Variants in POLN observed in about 807,000 individuals in gnomAD.
POLN encodes the protein DNA polymerase nu.
A neutral mutation model predicts 113.5 loss-of-function variants in POLN; 108 were observed. That is an observed-to-expected ratio of 0.95 (90% CI 0.81 to 1.12). POLN has a LOEUF of 1.12. POLN is among the 50% of genes most tolerant of loss of function. The pLI is 0.00. For synonymous variants in POLN, 386 were observed against 391.5 expected (o/e 0.99, Z 0.17); for missense variants, 1,097 against 1,077.1 (o/e 1.02, Z -0.26).
chr4:2,079,698 C>T (rs1156553608), intron 23 of POLN: 2 of 829,238 alleles, frequency 2.4e-6, no homozygotes, highest in African/African-American at 1.9e-5. Context: ...GATCCTCCTG[C>T]CTCAGCCTCC....
At chr4:2,174,169 G>C (rs1168705275) in intron 10 of POLN, 150 bp from the exon 11 acceptor site, 3 of 755,456 alleles carry the variant, frequency 4.0e-6, no homozygotes, top group Non-Finnish European at 4.6e-6. Context: ...CACAGGATCT[G>C]TCAGGATCCC....
At chr4:2,107,647 C>G (rs1731097499) in intron 19 of POLN, among the ~76,000 whole-genome samples, 1 of 152,110 alleles carries the variant, frequency 6.6e-6, no homozygotes, top group African/African-American at 2.4e-5. Flanking sequence ...GAGAAAAGGC[C>G]TAAGGCCAGG....
At chr4:2,086,299 G>C (rs1428581662) in intron 20 of POLN, among the ~76,000 whole-genome samples, 1 of 152,114 alleles carries the variant, frequency 6.6e-6, no homozygotes, top group Non-Finnish European at 1.5e-5. Context: ...ACAAAGTAAG[G>C]CCTAGTTTCT....
At position 2,198,432 on chromosome 4, in the gene POLN, T is replaced by G. The variant is rs112800598; in HGVS notation, c.908+92A>C. The G allele has an allele frequency of 4.8e-4, 575 of 1,193,342 alleles. 2 individuals are homozygous for G. The African/African-American group carries it at 8.2e-3, about 17-fold the overall frequency. The allele number at this position is 1,193,342 out of a possible 1,614,324, so 73.9% of individuals were successfully genotyped here. A position where few individuals can be genotyped will look rare whatever the true frequency, so the allele number is the denominator to read the frequency against. On this transcript the variant is annotated intron_variant, in intron 6 of 25. Coordinates refer to ENST00000511885, the MANE Select transcript of POLN (RefSeq NM_181808.4). The stretch of plus-strand genomic sequence containing the variant: ...GTGCCCATACAAAACTTCTAAAAGT[T>G]TAAACTATTAAAACTGGACCTTGAG...
chr4:2,210,090 G>C, intron 4 of POLN, among the ~76,000 whole-genome samples: 1 of 150,344 alleles, frequency 6.7e-6, no homozygotes, highest in East Asian at 1.9e-4. Context: ...TTAACACTTG[G>C]TCACATGTTA....
At chr4:2,154,525 AG>A (rs1414145021) in intron 16 of POLN, among the ~76,000 whole-genome samples, 1 of 152,224 alleles carries the variant, frequency 6.6e-6, no homozygotes, top group Non-Finnish European at 1.5e-5. Flanking sequence ...GCAAGGATTA[AG>A]GGACCAAGCA....
intron 2 of POLN, chr4:2,231,684 C>A: frequency 3.4e-6 from 1 of 294,154 alleles, no homozygotes; most frequent in South Asian, 8.6e-5. Context: ...TGTAATAATG[C>A]TTTTTCCCTG....
At chr4:2,210,923 T>TAATAAATA (rs4030453) in intron 4 of POLN, among the ~76,000 whole-genome samples, 2,763 of 134,426 alleles carry the variant, frequency 0.021, 34 homozygotes, top group African/African-American at 0.03. Context: ...TCTCAAAACA[T>TAATAAATA]AATAAATAAA....
rs1730609152 is a variant in POLN, at chr4:2,088,992, C to T, written c.2066-3248G>A. The T allele has an allele frequency of 5.7e-6, 5 of 871,810 alleles. 1 individual carries two copies. The highest frequency in any genetic ancestry group is 2.2e-4 in the Middle Eastern group (1 of 4,618). 54.0% of individuals were successfully genotyped at this position (871,810 alleles called of 1,614,324 possible). ...AAAGGTGGTTTCCTAGTCAGACAGC[C>T]TTTATTGTTTTTCTCATTATCCTTA... On this transcript the variant is annotated intron_variant, in intron 20 of 25. Transcript: ENST00000511885.
At chr4:2,231,818 T>C in intron 2 of POLN, 6 of 613,718 alleles carry the variant, frequency 9.8e-6, no homozygotes, top group Non-Finnish European at 1.7e-5. Context: ...ATTCATCAAA[T>C]TAAATGTTCC....
chr4:2,104,664 G>A (rs1731007622), intron 19 of POLN, among the ~76,000 whole-genome samples: 1 of 152,184 alleles, frequency 6.6e-6, no homozygotes. Context: ...ATGGGCCTAT[G>A]CTGTCTCTGC....
intron 16 of POLN, among the ~76,000 whole-genome samples, chr4:2,137,040 C>G (rs756029529): frequency 6.6e-6 from 1 of 152,266 alleles, no homozygotes; most frequent in Non-Finnish European, 1.5e-5. Context: ...CCTCTGGACA[C>G]AGCCTCCCGG....
At position 2,159,164 on chromosome 4, in the gene POLN, T is replaced by C. The variant is rs777946090; in HGVS notation, c.1602A>G (p.Glu534=). 4.4e-6 allele frequency: 7 copies of C among 1,607,236 alleles called. No homozygotes were observed. Among genetic ancestry groups the C allele is most frequent in the Non-Finnish European group, 5.1e-6 (6 of 1,174,210 alleles). ...AAAAAAATTAACTTACCTGCCTGTATTCCAAAATTATCTTGGGTAATGGAT... is the reference window on the plus strand; with the variant it reads ...AAAAAAATTAACTTACCTGCCTGTACTCCAAAATTATCTTGGGTAATGGAT... ...DLHPLPKIIL[E]YRQVHKIKST... Residue 534 remains glutamate (E), a synonymous_variant, in exon 14 of 26, where the codon GAA becomes GAG. Transcript: ENST00000511885.
chr4:2,170,697 C>A lies in POLN; in HGVS notation c.1536G>T (p.Pro512=), dbSNP rs370000803. 1.5e-4 allele frequency: 238 copies of A among 1,613,640 alleles called. No individual in the cohort carries two copies. The highest frequency in any genetic ancestry group is 1.9e-4 in the Non-Finnish European group (226 of 1,179,660). The change falls in exon 13 of 26, where the codon CCG becomes CCT. Residue 512 remains proline, a synonymous_variant. Coordinates refer to ENST00000511885, the MANE Select transcript of POLN (RefSeq NM_181808.4). ...SLPRTGLQKY[P]STSEAVLNAL... ...ACCTTACCACTGCTTCTGATGTAGA[C>A]GGGTATTTCTGCAACCCCGTTCTGG...
Position 2,144,345 on chromosome 4 carries a change from G to C in POLN, c.1731+12443C>G, listed in dbSNP as rs568761054. 4.0e-5 allele frequency among the ~76,000 whole-genome samples: 6 copies of C among 151,746 alleles called. No individual in the cohort carries two copies. The South Asian group carries it at 1.0e-3, about 26-fold the overall frequency. On this transcript the variant is annotated intron_variant, in intron 16 of 25. Transcript: ENST00000511885. Reference sequence around the variant, plus strand: ...TTTTTAGTAGAGATGGGGTTTCACTGTGTTGGCCAGGCTGGTCTTGAACTC... The same window carrying C: ...TTTTTAGTAGAGATGGGGTTTCACTCTGTTGGCCAGGCTGGTCTTGAACTC...
At chr4:2,198,867 C>A in intron 5 of POLN, 150 bp from the exon 6 acceptor site, 1 of 758,606 alleles carries the variant, frequency 1.3e-6, no homozygotes, top group South Asian at 2.0e-5. Context: ...GGGCCAAAAG[C>A]CAAACCCATG....
intron 21 of POLN, 22 bp downstream of exon 21, chr4:2,085,591 G>T: frequency 6.2e-7 from 1 of 1,613,208 alleles, no homozygotes; most frequent in East Asian, 2.2e-5. Flanking sequence ...GGAGCAGGGA[G>T]CTCTGGTTGT....
intron 7 of POLN, among the ~76,000 whole-genome samples, chr4:2,180,313 G>C (rs1028126169): frequency 6.6e-6 from 1 of 152,166 alleles, no homozygotes; most frequent in African/African-American, 2.4e-5. Flanking sequence ...TGGGGAGGTG[G>C]GGCGGGCTAG....
chr4:2,174,301 G>A (rs539071594), intron 10 of POLN, among the ~76,000 whole-genome samples: 51 of 152,358 alleles, frequency 3.3e-4, no homozygotes, highest in Admixed American at 3.2e-3. Flanking sequence ...CTGACGTGGT[G>A]CCCATCAGGA....
Sources: allele counts gnomAD v4.1 joint callset (sites outside exome capture counted in the v4.1 genomes callset), GRCh38; gene constraint gnomAD v4.1.1; transcripts MANE v1.5; gene names NCBI Gene and HGNC (gene_info 2026-07-23, HGNC 2026-07-21).